Variants in PDHB observed in about 807,000 individuals in gnomAD.
The protein encoded by PDHB is pyruvate dehydrogenase E1 subunit beta.
A neutral mutation model predicts 42.8 loss-of-function variants in PDHB; 17 were observed. The observed-to-expected ratio is 0.40, with a 90% CI of 0.27 to 0.60. The LOEUF is 0.60. PDHB is among the 20% of genes least tolerant of loss of function. The pLI, the probability that PDHB is intolerant of heterozygous loss-of-function variation, is 0.46. For synonymous variants in PDHB, 154 were observed against 148.7 expected (o/e 1.04, Z -0.26); for missense variants, 322 against 451.3 (o/e 0.71, Z 2.60).
rs1171402311 is a variant in PDHB, at chr3:58,431,524, C to T, written c.303+69G>A. ...CCAGGCTGGACAACAGAGTGAGACT[C>T]TGTCTCAAAAGAAAAAAAAAGAAAA... is the stretch of plus-strand genomic sequence containing the variant. On this transcript the variant is annotated intron_variant, in intron 5 of 9. Coordinates refer to ENST00000302746, the MANE Select transcript of PDHB (RefSeq NM_000925.4). The surrounding 1 kb of genome is among the most constrained non-coding windows in gnomAD (Gnocchi z 4.4). The T allele has an allele frequency of 1.1e-5, 14 of 1,245,994 alleles. No homozygotes were observed. The highest frequency in any genetic ancestry group is 1.5e-5 in the African/African-American group (1 of 67,472). 77.2% of individuals were successfully genotyped at this position (1,245,994 alleles called of 1,614,324 possible). A position where few individuals can be genotyped will look rare whatever the true frequency, so the allele number is the denominator to read the frequency against.
chr3:58,429,011 C>T (rs573178040), intron 8 of PDHB, among the ~76,000 whole-genome samples: 2 of 152,266 alleles, frequency 1.3e-5, no homozygotes, highest in South Asian at 2.1e-4. Flanking sequence ...TAGACCACCA[C>T]GCCTAGCTAA....
rs1362695915 is a variant in PDHB, at chr3:58,433,647, G to A, written c.80C>T (p.Ala27Val). ...GCCTGTTACCTGCAGCGCAGCCGGCGCGGTCCAGTGAAAGCGCCTCTTCAG... is the reference window on the plus strand; with the variant it reads ...GCCTGTTACCTGCAGCGCAGCCGGCACGGTCCAGTGAAAGCGCCTCTTCAG... ...GLLKRRFHWT[A>V]PAALQVTVRD... The change falls in exon 2 of 10, where the codon GCG becomes GTG. Residue 27 changes from alanine to valine, a missense_variant. Coordinates refer to ENST00000302746, the MANE Select transcript of PDHB (RefSeq NM_000925.4). The A allele has an allele frequency of 1.9e-6, 3 of 1,611,946 alleles. No homozygotes were observed. The highest frequency in any genetic ancestry group is 2.2e-5 in the East Asian group (1 of 44,838).
At position 58,431,570 on chromosome 3, in the gene PDHB, G is replaced by A. The variant is rs372901315; in HGVS notation, c.303+23C>T. ...GAAAACAAGAAATGTCTTTGGATAA[G>A]TTTCATAAAGAGTATTACATACCAT... On this transcript the variant is annotated intron_variant, in intron 5 of 9. Coordinates refer to ENST00000302746, the MANE Select transcript of PDHB (RefSeq NM_000925.4). This position sits in a 1 kb window ranked among gnomAD's most constrained non-coding sequence, Gnocchi z 4.4. The A allele has an allele frequency of 3.6e-5, 57 of 1,567,094 alleles. No homozygotes were observed. The highest frequency in any genetic ancestry group is 4.8e-5 in the Non-Finnish European group (55 of 1,139,070).
chr3:58,429,450 C>CG (rs796626424), intron 8 of PDHB, among the ~76,000 whole-genome samples: 3 of 151,502 alleles, frequency 2.0e-5, no homozygotes, highest in Non-Finnish European at 2.9e-5. Context: ...TTTTCTCTCT[C>CG]GGGGGGTATC....
intron 8 of PDHB, among the ~76,000 whole-genome samples, chr3:58,429,336 A>G (rs531403748): frequency 6.6e-5 from 10 of 152,234 alleles, no homozygotes; most frequent in Non-Finnish European, 1.2e-4. Context: ...AGAACCTCAG[A>G]AGGGTGAGGT....
intron 9 of PDHB, 92 bp downstream of exon 9, chr3:58,428,381 C>G (rs1349714182): frequency 6.9e-7 from 1 of 1,451,496 alleles, no homozygotes; most frequent in Non-Finnish European, 9.7e-7. Flanking sequence ...TTTGGCCACT[C>G]CTAGCTTTCA....
chr3:58,433,658 A>G lies in PDHB; in HGVS notation c.69T>C (p.Phe23=). Residue 23 remains phenylalanine, a synonymous_variant, in exon 2 of 10, where the codon TTT becomes TTC. Transcript: ENST00000302746. ...GCAGCGCAGCCGGCGCGGTCCAGTG[A>G]AAGCGCCTCTTCAGCAGCCCGGAGA... ...REVSGLLKRR[F]HWTAPAALQV... is the part of the protein sequence containing the mutation. The G allele has an allele frequency of 6.2e-7, 1 of 1,612,562 alleles. No homozygotes were observed.
intron 9 of PDHB, 46 bp from the exon 10 acceptor site, chr3:58,428,225 G>A: frequency 6.3e-7 from 1 of 1,587,424 alleles, no homozygotes; most frequent in South Asian, 1.1e-5. Context: ...TGCCAGCTGG[G>A]CACTACCACC....
At position 58,431,975 on chromosome 3, in the gene PDHB, G is replaced by C; in HGVS notation, c.106C>G (p.Arg36Gly). ...TCCATACCCTGATTTATAGCATCACGAACTGTCACCTGTCACAGGTATGCA... is the reference window on the plus strand; with the variant it reads ...TCCATACCCTGATTTATAGCATCACCAACTGTCACCTGTCACAGGTATGCA... ...TAPAALQVTV[R>G]DAINQGMDEE... Residue 36 changes from arginine (R) to glycine (G), a missense_variant, in exon 3 of 10, where the codon CGT (arginine) becomes GGT (glycine). Around this residue, in one of 3 missense-constraint regions of PDHB, gnomAD observed 56 missense variants for 124.2 expected, o/e 0.45. Coordinates refer to ENST00000302746, the MANE Select transcript of PDHB (RefSeq NM_000925.4). The surrounding 1 kb of genome is among the most constrained non-coding windows in gnomAD (Gnocchi z 4.4). 6.2e-7 allele frequency: 1 copy of C among 1,610,206 alleles called. No individual in the cohort carries two copies. The highest frequency in any genetic ancestry group is 2.2e-5 in the East Asian group (1 of 44,858).
intron 2 of PDHB, chr3:58,432,723 G>A (rs2062930294): frequency 6.6e-6 from 1 of 152,478 alleles, no homozygotes; most frequent in Admixed American, 6.6e-5. Context: ...GTCGGGCTGA[G>A]CGAGGTGGCT....
chr3:58,430,091 G>C (rs757583494), intron 7 of PDHB, 37 bp downstream of exon 7: 1 of 1,234,132 alleles, frequency 8.1e-7, no homozygotes, highest in Non-Finnish European at 1.2e-6. Flanking sequence ...TGAGGGGCTG[G>C]ATTAAAAATA....
intron 2 of PDHB, chr3:58,432,222 C>A: frequency 1.9e-6 from 1 of 530,552 alleles, no homozygotes; most frequent in South Asian, 2.1e-5. Context: ...TACTTTGCAT[C>A]CAGAATGTAG....
At chr3:58,429,097 C>T (rs1043511348) in intron 8 of PDHB, among the ~76,000 whole-genome samples, 9 of 152,144 alleles carry the variant, frequency 5.9e-5, no homozygotes, top group African/African-American at 2.2e-4. Context: ...TCAGGTGATC[C>T]ACCACGCCCA....
chr3:58,430,145 G>T lies in PDHB; in HGVS notation c.683C>A (p.Ala228Asp). 6.2e-7 allele frequency: 1 copy of T among 1,603,772 alleles called. No homozygotes were observed. The highest frequency in any genetic ancestry group is 8.5e-7 in the Non-Finnish European group (1 of 1,170,912). Residue 228 changes from alanine to aspartate, a missense_variant, in exon 7 of 10, where the codon GCC becomes GAC. Physicochemically the swap from Ala to Asp is moderately radical, Grantham distance 126. This residue lies in a region of PDHB where 208 missense variants were observed against 285.0 expected (regional missense o/e 0.73). Coordinates refer to ENST00000302746, the MANE Select transcript of PDHB (RefSeq NM_000925.4). ...SKDFLIPIGK[A>D]KIERQGTHIT... ...TTTCTTACCTTGCCTTTCTATTTTG[G>T]CTTTTCCAATAGGAATCAGAAAATC...
intron 8 of PDHB, among the ~76,000 whole-genome samples, 181 bp downstream of exon 8, chr3:58,429,527 T>A (rs1166445293): frequency 1.3e-5 from 2 of 151,954 alleles, no homozygotes; most frequent in Non-Finnish European, 2.9e-5. Context: ...AGAACCTAAG[T>A]GACCTGAGTG....
At chr3:58,430,583 A>G in intron 6 of PDHB, 74 bp downstream of exon 6, 1 of 1,207,880 alleles carries the variant, frequency 8.3e-7, no homozygotes, top group African/African-American at 1.5e-5. Flanking sequence ...AAAGACTTTA[A>G]TGGTTTCCTC....
At position 58,433,795 on chromosome 3, in the gene PDHB, A is replaced by T. The variant is rs775907917; in HGVS notation, c.15T>A (p.Ser5=). Residue 5 remains serine (S), a synonymous_variant, in exon 1 of 10, where the codon TCT becomes TCA. Coordinates refer to ENST00000302746, the MANE Select transcript of PDHB (RefSeq NM_000925.4). MAAV[S]GLVRRPLREV... is the part of the protein sequence containing the mutation. ...CCCGAAGGGGTCTCCGCACCAAGCC[A>T]GACACCGCCGCCATCTTGGTCGTGT... 3.1e-6 allele frequency: 5 copies of T among 1,611,832 alleles called. No individual in the cohort carries two copies. Among genetic ancestry groups the T allele is most frequent in the Non-Finnish European group, 4.2e-6 (5 of 1,179,492 alleles).
chr3:58,428,831 T>C, intron 8 of PDHB: 1 of 572,836 alleles, frequency 1.7e-6, no homozygotes, highest in Non-Finnish European at 3.1e-6. Context: ...TCTGTGCAGT[T>C]ATAGGATTCA....
Position 58,431,420 on chromosome 3 carries a change from G to A in PDHB, c.303+173C>T, listed in dbSNP as rs956048841. Reference sequence around the variant, plus strand: ...AAAAATTGGCTAGGCACAGTGGCGCGACCTGTAACCCCAGCCACTATGGAG... The same window carrying A: ...AAAAATTGGCTAGGCACAGTGGCGCAACCTGTAACCCCAGCCACTATGGAG... On this transcript the variant is annotated intron_variant, in intron 5 of 9. Coordinates refer to ENST00000302746, the MANE Select transcript of PDHB (RefSeq NM_000925.4). The surrounding 1 kb of genome is among the most constrained non-coding windows in gnomAD (Gnocchi z 4.4). The A allele has an allele frequency of 1.4e-5, 9 of 643,992 alleles. No individual in the cohort carries two copies. The highest frequency in any genetic ancestry group is 1.1e-4 in the Admixed American group (4 of 36,250). The allele number at this position is 643,992 out of a possible 1,614,324, so 39.9% of individuals were successfully genotyped here.
Sources: allele counts gnomAD v4.1 joint callset (sites outside exome capture counted in the v4.1 genomes callset), GRCh38; gene constraint gnomAD v4.1.1; regional missense constraint gnomAD v4.1.1; non-coding constraint Gnocchi (gnomAD v3.1); transcripts MANE v1.5; gene names NCBI Gene and HGNC (gene_info 2026-07-23, HGNC 2026-07-21).